SLC4A5: variants seen among roughly 807,000 people sequenced by gnomAD.
SLC4A5 encodes the protein solute carrier family 4 member 5.
A neutral mutation model predicts 120.4 loss-of-function variants in SLC4A5; 96 were observed. That is an observed-to-expected ratio of 0.80 (90% CI 0.68 to 0.94). The LOEUF (loss-of-function observed/expected upper bound fraction) is 0.94. Among genes scored for constraint, SLC4A5 ranks in the 40% least tolerant of loss-of-function variants. The probability of loss-of-function intolerance (pLI) is 0.00; values close to 1 mark genes in which losing one functional copy is unlikely to be tolerated. For missense variants in SLC4A5, 1,259 were observed against 1,459.5 expected, an observed-to-expected ratio of 0.86 and a Z score of 2.24; for synonymous variants, 550 against 571.1, an observed-to-expected ratio of 0.96 and a Z score of 0.53.
intron 30 of SLC4A5, among the ~76,000 whole-genome samples, chr2:74,220,933 T>C (rs909444714): frequency 1.3e-4 from 18 of 142,654 alleles, no homozygotes; most frequent in African/African-American, 3.8e-4. Flanking sequence ...CTCTGCCTCC[T>C]GGGTTCATGC....
chr2:74,280,672 G>A (rs1671783490), intron 8 of SLC4A5, among the ~76,000 whole-genome samples: 1 of 147,464 alleles, frequency 6.8e-6, no homozygotes, highest in African/African-American at 2.6e-5. Context: ...ATGTTAAGAG[G>A]GCATTATACA....
rs771060902 is a variant in SLC4A5 at position 74,248,445 on chromosome 2, GGA to G, written c.1693_1694del (p.Ser565LeufsTer23). On this transcript the variant is annotated frameshift_variant, in exon 18 of 31. Transcript: ENST00000394019. LOFTEE classifies it high-confidence loss of function. ...GCTGTCCCGAGAAGAGGCAGAACAA[GGA>G]GCCAGCCATGGCAGTGCCCAGGAAG... The G allele has an allele frequency of 6.2e-7, 1 of 1,614,184 alleles. No individual in the cohort carries two copies. Among genetic ancestry groups the G allele is most frequent in the Admixed American group, 1.7e-5 (1 of 60,018 alleles).
chr2:74,228,700 T>C (rs1694943301), intron 25 of SLC4A5, among the ~76,000 whole-genome samples: 1 of 122,806 alleles, frequency 8.1e-6, no homozygotes, highest in Non-Finnish European at 1.7e-5. Flanking sequence ...AAATCATGCC[T>C]CATACGCAAT....
chr2:74,249,983 T>G (rs1285496497), intron 17 of SLC4A5, among the ~76,000 whole-genome samples: 1 of 152,194 alleles, frequency 6.6e-6, no homozygotes, highest in Non-Finnish European at 1.5e-5. Context: ...AATTCAAGGT[T>G]AGTTTTTAAA....
At chr2:74,256,676 C>T (rs1290391592) in intron 12 of SLC4A5, among the ~76,000 whole-genome samples, 1 of 152,190 alleles carries the variant, frequency 6.6e-6, no homozygotes, top group African/African-American at 2.4e-5. Context: ...CCACTCTCTG[C>T]GTTTATAACT....
chr2:74,230,716 T>C (rs1041797581), intron 25 of SLC4A5, among the ~76,000 whole-genome samples: 1 of 151,926 alleles, frequency 6.6e-6, no homozygotes, highest in African/African-American at 2.4e-5. Context: ...GGATTGGTGA[T>C]GATAAAAAAC....
intron 5 of SLC4A5, among the ~76,000 whole-genome samples, chr2:74,320,207 T>C (rs905615682): frequency 6.6e-6 from 1 of 151,562 alleles, no homozygotes; most frequent in Admixed American, 6.6e-5. Context: ...AAAAGAGAGA[T>C]AAAAAAATAG....
exon 31 of SLC4A5, chr2:74,217,016 G>A (rs2103850930): frequency 6.6e-6 from 1 of 152,274 alleles, no homozygotes. Context: ...CCCTTGGAAG[G>A]GAGCTCTGAG....
intron 6 of SLC4A5, chr2:74,307,886 GC>G: frequency 1.2e-5 from 6 of 483,274 alleles, no homozygotes; most frequent in African/African-American, 2.0e-5. Context: ...AGGAACCAGA[GC>G]CCCCGGCACC....
At chr2:74,332,703 T>TTGTGTGTGTGTGTGTG in intron 4 of SLC4A5, among the ~76,000 whole-genome samples, 1 of 148,294 alleles carries the variant, frequency 6.7e-6, no homozygotes, top group African/African-American at 2.5e-5. Flanking sequence ...GGGTGTCCAT[T>TTGTGTGTGTGTGTGTG]TGTGTGTGTG....
chr2:74,322,617 A>G (rs982466842), intron 5 of SLC4A5, among the ~76,000 whole-genome samples: 3 of 152,194 alleles, frequency 2.0e-5, no homozygotes, highest in Non-Finnish European at 2.9e-5. Context: ...AATTCTGGAC[A>G]GTAATATATC....
At chr2:74,299,025 T>C (rs755875240) in intron 7 of SLC4A5, among the ~76,000 whole-genome samples, 2 of 152,222 alleles carry the variant, frequency 1.3e-5, no homozygotes, top group Non-Finnish European at 2.9e-5. Context: ...AATTTAATCA[T>C]GAGGGTGGGT....
At position 74,220,808 on chromosome 2, in the gene SLC4A5, G is replaced by A. The variant is rs1173678597; in HGVS notation, c.*33+626C>T. ...TGGGACTACAGGCGTGAGCCACCGCGCCTGGCTTCTGTTTTCTGTCAATAT... is the reference window on the plus strand; with the variant it reads ...TGGGACTACAGGCGTGAGCCACCGCACCTGGCTTCTGTTTTCTGTCAATAT... On this transcript the variant is annotated intron_variant, in intron 30 of 30. Coordinates refer to ENST00000394019, the Ensembl canonical transcript of SLC4A5. Among the ~76,000 whole-genome samples the A allele has an allele frequency of 1.7e-4, 25 of 145,366 alleles. 1 individual carries two copies. Among genetic ancestry groups the A allele is most frequent in the African/African-American group, 4.9e-4 (19 of 38,856 alleles).
chr2:74,256,131 C>T (rs1258188854), intron 12 of SLC4A5, among the ~76,000 whole-genome samples, 199 bp from the exon 13 acceptor site: 1 of 152,206 alleles, frequency 6.6e-6, no homozygotes, highest in Non-Finnish European at 1.5e-5. Flanking sequence ...ACCATTAAGC[C>T]TTGTAGATGG....
chr2:74,306,748 C>A, intron 6 of SLC4A5: 2 of 1,159,458 alleles, frequency 1.7e-6, no homozygotes, highest in South Asian at 2.5e-5. Context: ...ACTTTGGTGT[C>A]ATTATTCTCA....
In SLC4A5 at chr2:74,244,374, G is replaced by A. The variant is rs192029153; in HGVS notation, c.2060-2322C>T. ...CCAGAGTTCTTTCGCTTGTTTGTTC[G>A]TTCCTTCCTTCCTTCCCTCACTCCC... On this transcript the variant is annotated intron_variant, in intron 19 of 30. Coordinates refer to ENST00000394019, the Ensembl canonical transcript of SLC4A5. Among the ~76,000 whole-genome samples, 431 of 151,568 alleles carry A rather than the reference G, an allele frequency of 2.8e-3. 2 individuals carry two copies. The highest frequency in any genetic ancestry group is 4.6e-3 in the Non-Finnish European group (314 of 67,806).
intron 3 of SLC4A5, among the ~76,000 whole-genome samples, chr2:74,336,597 C>T (rs189854768): frequency 1.7e-3 from 262 of 152,214 alleles, no homozygotes; most frequent in Non-Finnish European, 8.2e-4. Flanking sequence ...TACTATTATC[C>T]TCATTTACAG....
At chr2:74,264,392 A>G (rs911729668) in intron 9 of SLC4A5, 93 bp from the exon 10 acceptor site, 2 of 1,428,460 alleles carry the variant, frequency 1.4e-6, no homozygotes, top group Non-Finnish European at 9.5e-7. Flanking sequence ...GTGGGATTAA[A>G]TGTGGCAGAG....
At chr2:74,336,691 G>A (rs182120581) in intron 3 of SLC4A5, among the ~76,000 whole-genome samples, 24 of 152,178 alleles carry the variant, frequency 1.6e-4, no homozygotes, top group South Asian at 6.2e-4. Context: ...CCTGGGGGAT[G>A]GGAATAGGGA....
Sources: allele counts gnomAD v4.1 joint callset (sites outside exome capture counted in the v4.1 genomes callset), GRCh38; gene constraint gnomAD v4.1.1; transcripts MANE v1.5; gene names NCBI Gene and HGNC (gene_info 2026-07-23, HGNC 2026-07-21).